The following LRCH1 variants were observed in gnomAD, a reference collection of about 807,000 sequenced individuals.
LRCH1 encodes the protein leucine-rich repeat and calponin homology domain-containing protein 1.
Under a neutral mutation model 94.9 loss-of-function variants are expected in LRCH1, and 23 were observed. That is an observed-to-expected ratio of 0.24 (90% CI 0.17 to 0.34). LRCH1 has a LOEUF of 0.34. Among genes scored for constraint, LRCH1 ranks in the 10% least tolerant of loss-of-function variants. LRCH1 has a pLI of 1.00. For synonymous variants in LRCH1, 364 were observed against 354.9 expected, an observed-to-expected ratio of 1.03 and a Z score of -0.29; for missense variants, 790 against 945.9, an observed-to-expected ratio of 0.84 and a Z score of 2.16.
chr13:46,681,511 G>A (rs995438677), intron 3 of LRCH1, among the ~76,000 whole-genome samples: 135 of 152,224 alleles, frequency 8.9e-4, no homozygotes, highest in Non-Finnish European at 9.1e-4. Flanking sequence ...AGCAGCTGGC[G>A]AATGCTACTA....
At chr13:46,613,117 C>T (rs1360522524) in intron 1 of LRCH1, among the ~76,000 whole-genome samples, 4 of 152,154 alleles carry the variant, frequency 2.6e-5, no homozygotes, top group East Asian at 3.9e-4. Flanking sequence ...TAGGGCTGGG[C>T]GTGGTGGCTC....
At chr13:46,724,769 T>C (rs1393870153) in intron 17 of LRCH1, among the ~76,000 whole-genome samples, 1 of 152,220 alleles carries the variant, frequency 6.6e-6, no homozygotes, top group African/African-American at 2.4e-5. Flanking sequence ...CAGAAAGAAG[T>C]GTCATAACTG....
At chr13:46,629,946 A>G (rs922522752) in intron 1 of LRCH1, among the ~76,000 whole-genome samples, 4 of 152,218 alleles carry the variant, frequency 2.6e-5, no homozygotes, top group African/African-American at 9.7e-5. Flanking sequence ...TTAAAGAATG[A>G]ATAGGATTAA....
chr13:46,642,341 T>C (rs1039374980), intron 1 of LRCH1, among the ~76,000 whole-genome samples: 3 of 152,204 alleles, frequency 2.0e-5, no homozygotes, highest in African/African-American at 7.2e-5. Context: ...AAGACAGGAC[T>C]TTGGTGTCAT....
chr13:46,585,552 CAA>C (rs35651253), intron 1 of LRCH1, among the ~76,000 whole-genome samples: 142 of 82,080 alleles, frequency 1.7e-3, no homozygotes, highest in African/African-American at 4.9e-3. Context: ...GACTGCATCT[CAA>C]AAAAAAAAAA....
In LRCH1 at chr13:46,613,259, A is replaced by G. The variant is rs1409773879; in HGVS notation, c.308-36942A>G. On this transcript the variant is annotated intron_variant, in intron 1 of 19. Coordinates refer to ENST00000389797, the MANE Select transcript of LRCH1 (RefSeq NM_001164211.2). ...ACAAAAATTAGCCGAGCGTGGTGGC[A>G]CGTGCCTGTAGTCCCAGCTGCTCGG... 2.0e-5 allele frequency among the ~76,000 whole-genome samples: 3 copies of G among 152,018 alleles called. No homozygotes were observed. In the East Asian group the frequency reaches 5.8e-4, roughly 29 times the overall value.
intron 1 of LRCH1, among the ~76,000 whole-genome samples, chr13:46,590,281 C>T (rs918718933): frequency 3.9e-5 from 6 of 152,140 alleles, no homozygotes; most frequent in Non-Finnish European, 8.8e-5. Flanking sequence ...CTGTCCTCCC[C>T]CCTTCACCCT....
At chr13:46,666,328 A>G (rs2051515396) in intron 2 of LRCH1, among the ~76,000 whole-genome samples, 1 of 152,238 alleles carries the variant, frequency 6.6e-6, no homozygotes, top group Non-Finnish European at 1.5e-5. Flanking sequence ...AAGATTTCCA[A>G]TGAGAATAAA....
chr13:46,628,165 A>G (rs542592816), intron 1 of LRCH1, among the ~76,000 whole-genome samples: 78 of 152,302 alleles, frequency 5.1e-4, no homozygotes, highest in Non-Finnish European at 9.1e-4. Context: ...CTACATTCCT[A>G]CTATATACAG....
chr13:46,648,147 G>A (rs1191336198), intron 1 of LRCH1, among the ~76,000 whole-genome samples: 1 of 152,168 alleles, frequency 6.6e-6, no homozygotes, highest in Non-Finnish European at 1.5e-5. Context: ...GGGAGACAGT[G>A]ACAGATCATC....
At chr13:46,553,811 AG>A in intron 1 of LRCH1, 108 bp downstream of exon 1, 1 of 1,535,152 alleles carries the variant, frequency 6.5e-7, no homozygotes, top group Non-Finnish European at 8.8e-7. Context: ...TGGGGGAGGG[AG>A]GGTCCATCGG....
intron 1 of LRCH1, among the ~76,000 whole-genome samples, chr13:46,597,579 A>G (rs2050578763): frequency 6.6e-6 from 1 of 151,018 alleles, no homozygotes; most frequent in African/African-American, 2.4e-5. Flanking sequence ...CTGGACTTGA[A>G]CTCCTGACCT....
intron 10 of LRCH1, among the ~76,000 whole-genome samples, chr13:46,700,067 A>G (rs1871385287): frequency 6.6e-6 from 1 of 152,180 alleles, no homozygotes; most frequent in Non-Finnish European, 1.5e-5. Context: ...TATTGTGTAT[A>G]AATATTTATT....
intron 16 of LRCH1, among the ~76,000 whole-genome samples, chr13:46,716,566 C>T (rs907110910): frequency 2.0e-5 from 3 of 152,112 alleles, no homozygotes; most frequent in African/African-American, 7.2e-5. Context: ...TGGAAAGATA[C>T]GTTTTCTGAT....
chr13:46,563,391 C>G (rs1327244523), intron 1 of LRCH1, among the ~76,000 whole-genome samples: 2 of 152,034 alleles, frequency 1.3e-5, no homozygotes, highest in Non-Finnish European at 2.9e-5. Flanking sequence ...AATAGGGTTT[C>G]CTGAGCTTCA....
chr13:46,668,399 C>T (rs1426105824), intron 2 of LRCH1, among the ~76,000 whole-genome samples: 1 of 152,160 alleles, frequency 6.6e-6, no homozygotes, highest in Non-Finnish European at 1.5e-5. Context: ...ACCAACTTTC[C>T]TTTCTTTCTC....
chr13:46,554,202 G>A lies in LRCH1; in HGVS notation c.307+499G>A, dbSNP rs1418725099. ...TGGTGGGGAAACCCAGACAAAGGTGGCACGCCCTCGGCCGAGCCAGGGGCA... is the reference window on the plus strand; with the variant it reads ...TGGTGGGGAAACCCAGACAAAGGTGACACGCCCTCGGCCGAGCCAGGGGCA... On this transcript the variant is annotated intron_variant, in intron 1 of 19. Transcript: ENST00000389797. 7.2e-5 allele frequency among the ~76,000 whole-genome samples: 11 copies of A among 152,230 alleles called. No individual in the cohort carries two copies. In the East Asian group the frequency reaches 2.1e-3, roughly 29 times the overall value.
At chr13:46,732,096 T>C (rs1396480390) in intron 18 of LRCH1, among the ~76,000 whole-genome samples, 3 of 152,228 alleles carry the variant, frequency 2.0e-5, no homozygotes, top group Non-Finnish European at 4.4e-5. Flanking sequence ...TGACCCATAG[T>C]AAAGCAATAA....
intron 3 of LRCH1, 72 bp downstream of exon 3, chr13:46,669,228 A>G: frequency 6.4e-7 from 1 of 1,558,416 alleles, no homozygotes; most frequent in Non-Finnish European, 8.7e-7. Flanking sequence ...TATTCAGAAA[A>G]CCTTTTTGCT....
Sources: gnomAD v4.1 joint callset for allele counts (sites outside exome capture counted in the v4.1 genomes callset) on GRCh38, gnomAD v4.1.1 for gene constraint, MANE v1.5 for transcripts, NCBI Gene and HGNC (gene_info 2026-07-23, HGNC 2026-07-21) for gene names.